Variants in SPMIP10 observed in about 807,000 individuals in gnomAD.
SPMIP10 encodes the protein sperm microtubule inner protein 10, also known as sperm-associated microtubule inner protein 10.
the SPMIP10 span, chr5:126,631,905 T>A: frequency 1.2e-6 from 1 of 836,244 alleles, no homozygotes; most frequent in East Asian, 2.5e-5. Flanking sequence ...AACTTTGTGT[T>A]CCCCTTTGGC....
chr5:126,635,677 C>T, the SPMIP10 span, among the ~76,000 whole-genome samples: 1 of 152,170 alleles, frequency 6.6e-6, no homozygotes, highest in Non-Finnish European at 1.5e-5. Context: ...TATTGGGAAA[C>T]TTCCATCATT....
At chr5:126,632,880 G>A in the SPMIP10 span, among the ~76,000 whole-genome samples, 10 of 151,556 alleles carry the variant, frequency 6.6e-5, no homozygotes, top group East Asian at 7.7e-4. Flanking sequence ...CCAGCTACTC[G>A]GGAGGCTGAG....
At chr5:126,632,873 G>A in the SPMIP10 span, among the ~76,000 whole-genome samples, 2 of 151,744 alleles carry the variant, frequency 1.3e-5, no homozygotes, top group Non-Finnish European at 2.9e-5. Context: ...TGTAATCCCA[G>A]CTACTCGGGA....
the SPMIP10 span, chr5:126,635,948 C>T: frequency 8.5e-7 from 1 of 1,176,648 alleles, no homozygotes; most frequent in Admixed American, 1.8e-5. Context: ...AGGCATGAGC[C>T]ATGGCTCCTG....
the SPMIP10 span, chr5:126,631,914 G>A: frequency 1.3e-6 from 1 of 773,878 alleles, no homozygotes; most frequent in South Asian, 1.6e-5. Flanking sequence ...TTCCCCTTTG[G>A]CATCTATACA....
the SPMIP10 span, chr5:126,631,961 G>A: frequency 0.089 from 53,812 of 606,736 alleles, 5,116 homozygotes; most frequent in African/African-American, 0.38. Flanking sequence ...ATGTGTGCAG[G>A]GAAAGCAAAT....
At chr5:126,631,759 C>T in the SPMIP10 span, 1 of 1,612,012 alleles carries the variant, frequency 6.2e-7, no homozygotes, top group Non-Finnish European at 8.5e-7. Context: ...AGATACTTGT[C>T]CTACTTTGCC....
At chr5:126,632,395 T>G in the SPMIP10 span, 1 of 566,434 alleles carries the variant, frequency 1.8e-6, no homozygotes, top group African/African-American at 1.9e-5. Context: ...ACTTAAATGG[T>G]TATCTTTTAG....
the SPMIP10 span, among the ~76,000 whole-genome samples, chr5:126,635,862 C>T: frequency 2.0e-5 from 3 of 151,910 alleles, no homozygotes; most frequent in African/African-American, 4.8e-5. Flanking sequence ...GGGTCTTGCT[C>T]TGTTGCCCAG....
chr5:126,632,669 G>A, the SPMIP10 span: 3 of 1,446,562 alleles, frequency 2.1e-6, no homozygotes, highest in Admixed American at 1.7e-5. Flanking sequence ...TTCCCCATAA[G>A]CACACATAAG....
chr5:126,635,914 G>C, the SPMIP10 span: 2 of 816,782 alleles, frequency 2.4e-6, no homozygotes, highest in Non-Finnish European at 4.0e-6. Flanking sequence ...TTCCTGTCTT[G>C]GCCTCCCAAA....
At chr5:126,632,895 G>T in the SPMIP10 span, among the ~76,000 whole-genome samples, 6 of 151,634 alleles carry the variant, frequency 4.0e-5, no homozygotes, top group Admixed American at 1.3e-4. Flanking sequence ...GCTGAGGCAT[G>T]AGAATCTCTT....
At chr5:126,633,267 A>C in the SPMIP10 span, among the ~76,000 whole-genome samples, 1 of 152,128 alleles carries the variant, frequency 6.6e-6, no homozygotes, top group African/African-American at 2.4e-5. Flanking sequence ...ATTATACTGC[A>C]TATTCAGATA....
chr5:126,633,024 T>TATATATATAA, the SPMIP10 span, among the ~76,000 whole-genome samples: 66 of 138,504 alleles, frequency 4.8e-4, no homozygotes, highest in African/African-American at 1.9e-3. Flanking sequence ...TATATATATA[T>TATATATATAA]ATATATATAA....
At chr5:126,635,697 G>C in the SPMIP10 span, among the ~76,000 whole-genome samples, 1 of 152,126 alleles carries the variant, frequency 6.6e-6, no homozygotes, top group Admixed American at 6.6e-5. Flanking sequence ...TTTTGGAGAG[G>C]GGATGGGGTC....
the SPMIP10 span, chr5:126,632,433 C>T: frequency 1.5e-6 from 1 of 666,858 alleles, no homozygotes; most frequent in African/African-American, 1.8e-5. Flanking sequence ...AGCCGTCTGT[C>T]CTGCAACAGC....
chr5:126,634,526 C>T, the SPMIP10 span, among the ~76,000 whole-genome samples: 1 of 152,136 alleles, frequency 6.6e-6, no homozygotes, highest in African/African-American at 2.4e-5. Context: ...TTTCAATGCC[C>T]TAAGTAGCTT....
the SPMIP10 span, among the ~76,000 whole-genome samples, chr5:126,633,318 AC>A: frequency 3.3e-5 from 5 of 152,140 alleles, no homozygotes; most frequent in East Asian, 9.7e-4. Context: ...CACATGATTT[AC>A]CCATTCAATG....
chr5:126,635,982 C>G, the SPMIP10 span: 4 of 1,468,208 alleles, frequency 2.7e-6, no homozygotes, highest in Non-Finnish European at 3.8e-6. Context: ...CTTAATCTAA[C>G]AAGAAAATGA....
Sources: allele counts gnomAD v4.1 joint callset (sites outside exome capture counted in the v4.1 genomes callset), GRCh38; gene constraint gnomAD v4.1.1; transcripts MANE v1.5; gene names NCBI Gene and HGNC (gene_info 2026-07-23, HGNC 2026-07-21).